DZIP3: variants seen among roughly 807,000 people sequenced by gnomAD.
DZIP3 encodes the protein E3 ubiquitin-protein ligase DZIP3.
Under a neutral mutation model 162.0 loss-of-function variants are expected in DZIP3, and 118 were observed. The ratio of observed to expected loss-of-function variants is 0.73; its 90% CI spans 0.63 to 0.85. DZIP3 has a LOEUF of 0.85. Ranked by LOEUF, DZIP3 falls within the 40% of genes least tolerant of loss-of-function variation. The pLI is 0.00. For synonymous variants in DZIP3, 438 were observed against 458.6 expected, an observed-to-expected ratio of 0.96 and a Z score of 0.57; for missense variants, 1,331 against 1,407.0, an observed-to-expected ratio of 0.95 and a Z score of 0.86.
chr3:108,683,395 CATG>C (rs1462104831), intron 26 of DZIP3, among the ~76,000 whole-genome samples: 5 of 152,152 alleles, frequency 3.3e-5, no homozygotes, highest in Non-Finnish European at 7.3e-5. Context: ...TAATTTTTCA[CATG>C]ATATTTTTAG....
chr3:108,605,276 A>C, intron 1 of DZIP3, 59 bp from the exon 2 acceptor site: 2 of 1,209,918 alleles, frequency 1.7e-6, no homozygotes, highest in South Asian at 2.7e-5. Flanking sequence ...TTCTGTTTTC[A>C]TAGTGGGGAG....
intron 1 of DZIP3, 110 bp from the exon 2 acceptor site, chr3:108,605,222 TTTC>T (rs768776635): frequency 5.3e-6 from 4 of 750,978 alleles, no homozygotes; most frequent in African/African-American, 3.7e-5. Context: ...TATGATTCAT[TTTC>T]TTCTTTTAGA....
chr3:108,685,411 G>A (rs895930238), intron 27 of DZIP3, among the ~76,000 whole-genome samples: 4 of 152,122 alleles, frequency 2.6e-5, no homozygotes, highest in African/African-American at 4.8e-5. Context: ...TTATTACAGT[G>A]ACTGTTAGTA....
At chr3:108,650,808 T>C (rs1364570103) in intron 17 of DZIP3, among the ~76,000 whole-genome samples, 4 of 151,658 alleles carry the variant, frequency 2.6e-5, no homozygotes, top group African/African-American at 9.7e-5. Flanking sequence ...GAATCAGTGA[T>C]TTTCAAGTCA....
At chr3:108,605,794 G>A (rs1940316672) in intron 2 of DZIP3, among the ~76,000 whole-genome samples, 1 of 151,970 alleles carries the variant, frequency 6.6e-6, no homozygotes, top group Non-Finnish European at 1.5e-5. Context: ...AGAGGTAAAG[G>A]ATAGGTTGAC....
chr3:108,677,291 G>A (rs1266486361), intron 25 of DZIP3, among the ~76,000 whole-genome samples: 3 of 151,222 alleles, frequency 2.0e-5, no homozygotes, highest in African/African-American at 4.9e-5. Context: ...AACCAATAAC[G>A]ACTCCTAAAA....
chr3:108,672,111 C>G (rs879592633), intron 22 of DZIP3, among the ~76,000 whole-genome samples: 1 of 151,948 alleles, frequency 6.6e-6, no homozygotes, highest in South Asian at 2.1e-4. Context: ...CTCTCTCAGG[C>G]CTTTTTCAAA....
intron 19 of DZIP3, among the ~76,000 whole-genome samples, chr3:108,654,838 C>A (rs1175177797): frequency 6.6e-6 from 1 of 152,008 alleles, no homozygotes; most frequent in Non-Finnish European, 1.5e-5. Context: ...AAGTGCTCAA[C>A]AGCAAATGAA....
chr3:108,642,399 T>C, intron 12 of DZIP3, 39 bp from the exon 13 acceptor site: 1 of 1,449,894 alleles, frequency 6.9e-7, no homozygotes, highest in Non-Finnish European at 9.3e-7. Flanking sequence ...TTTGGTATTA[T>C]TTTATTTCCA....
intron 31 of DZIP3, among the ~76,000 whole-genome samples, chr3:108,689,558 G>A (rs1944617049): frequency 6.6e-6 from 1 of 152,076 alleles, no homozygotes; most frequent in South Asian, 2.1e-4. Context: ...GTGGTGGCGG[G>A]TGCCTGTAGT....
At chr3:108,644,850 A>G in intron 14 of DZIP3, 69 bp downstream of exon 14, 1 of 1,445,056 alleles carries the variant, frequency 6.9e-7, no homozygotes, top group Non-Finnish European at 9.4e-7. Flanking sequence ...TGCCAGGCAC[A>G]GTGCAAAGGG....
At chr3:108,631,055 A>ACACACACACACACTCTCTCT in intron 8 of DZIP3, among the ~76,000 whole-genome samples, 53 of 18,008 alleles carry the variant, frequency 2.9e-3, no homozygotes, top group Middle Eastern at 0.062. Context: ...ACACACACAC[A>ACACACACACACACTCTCTCT]CTCTCTCTCT....
chr3:108,644,264 G>A lies in DZIP3; in HGVS notation c.1242G>A (p.Glu414=). The stretch of plus-strand genomic sequence containing the variant: ...ACATTGTTCGACAAATATTTGATGA[G>A]GCTATGCCACCTCCTCTTTTGAAAA... The part of the protein sequence containing the change: ...GTDIVRQIFD[E]AMPPPLLKKE... The change falls in exon 14 of 33, where the codon GAG becomes GAA. Residue 414 remains glutamate (E), a synonymous_variant. Coordinates refer to ENST00000361582, the MANE Select transcript of DZIP3 (RefSeq NM_014648.4). 1 of 1,613,838 alleles carries A rather than the reference G, an allele frequency of 6.2e-7. No individual in the cohort carries two copies. The highest frequency in any genetic ancestry group is 8.5e-7 in the Non-Finnish European group (1 of 1,179,932).
rs931713949 is a variant in DZIP3 at position 108,684,260 on chromosome 3, T to C, written c.2928T>C (p.Phe976=). 1.2e-6 allele frequency: 2 copies of C among 1,613,360 alleles called. No homozygotes were observed. The highest frequency in any genetic ancestry group is 1.7e-6 in the Non-Finnish European group (2 of 1,179,500). Residue 976 remains phenylalanine, a synonymous_variant, in exon 27 of 33, where the codon TTT becomes TTC. Transcript: ENST00000361582. ...LGRPLVKESF[F]RPILTVPQMP... ...GACCTCTTGTGAAAGAATCTTTCTT[T>C]AGACCCATACTTACTGTTCCTCAAA...
chr3:108,639,841 T>G (rs1942311442), intron 12 of DZIP3, among the ~76,000 whole-genome samples: 2 of 151,784 alleles, frequency 1.3e-5, no homozygotes, highest in Admixed American at 6.5e-5. Context: ...TTAATTTGCT[T>G]TGATTTTTTT....
In DZIP3 at chr3:108,605,377, T is replaced by C. The variant is rs760922235; in HGVS notation, c.-30T>C. ...TAAAGTCAGTTGGCAAGCAGTGGAA[T>C]AAGATTTTTGTAAAGAAACCTTGTG... On this transcript the variant is annotated 5_prime_UTR_variant, in exon 2 of 33. Transcript: ENST00000361582. 6.2e-7 allele frequency: 1 copy of C among 1,613,280 alleles called. No homozygotes were observed.
At chr3:108,618,237 C>T (rs534022131) in intron 5 of DZIP3, among the ~76,000 whole-genome samples, 1 of 152,270 alleles carries the variant, frequency 6.6e-6, no homozygotes, top group South Asian at 2.1e-4. Flanking sequence ...CAGAGTTTTT[C>T]CTCCTCTAAT....
chr3:108,675,873 G>C lies in DZIP3; in HGVS notation c.2781G>C (p.Arg927Ser). Residue 927 changes from arginine to serine, a missense_variant and splice_region_variant, in exon 25 of 33, where the codon AGG becomes AGC. Physicochemically the swap from Arg to Ser is moderately radical, Grantham distance 110 (BLOSUM62 -1). Around this residue, in one of 2 missense-constraint regions of DZIP3, gnomAD observed 1,278 missense variants for 1,317.1 expected, o/e 0.97. Transcript: ENST00000361582. ...ADVRNKIAFL[R>S]TQYNEQINKV... ...TTAGAAACAAGATTGCATTCCTCAGGGTAAGTCCTGAAGTATATTTGGAGA... is the reference window on the plus strand; with the variant it reads ...TTAGAAACAAGATTGCATTCCTCAGCGTAAGTCCTGAAGTATATTTGGAGA... 2 of 1,608,320 alleles carry C rather than the reference G, an allele frequency of 1.2e-6. No individual in the cohort carries two copies. The highest frequency in any genetic ancestry group is 2.2e-5 in the East Asian group (1 of 44,572).
At chr3:108,636,239 T>C (rs2107615962) in intron 10 of DZIP3, among the ~76,000 whole-genome samples, 1 of 152,074 alleles carries the variant, frequency 6.6e-6, no homozygotes, top group Non-Finnish European at 1.5e-5. Context: ...AGGCCAGAAC[T>C]AGAGAAAGGA....
Sources: allele counts gnomAD v4.1 joint callset (sites outside exome capture counted in the v4.1 genomes callset), GRCh38; gene constraint gnomAD v4.1.1; regional missense constraint gnomAD v4.1.1; transcripts MANE v1.5; gene names NCBI Gene and HGNC (gene_info 2026-07-23, HGNC 2026-07-21).